Variants in SLC30A5 observed in about 807,000 individuals in gnomAD.
SLC30A5 encodes solute carrier family 30 member 5, also known as proton-coupled zinc antiporter SLC30A5.
In SLC30A5, 33 loss-of-function variants were observed where a neutral mutation model predicts 79.6. The ratio of observed to expected loss-of-function variants is 0.41; its 90% confidence interval spans 0.31 to 0.55. The LOEUF (loss-of-function observed/expected upper bound fraction) is 0.55. SLC30A5 is among the 20% of genes least tolerant of loss of function. The pLI is 0.20. For missense variants in SLC30A5, 788 were observed against 928.1 expected (o/e 0.85, Z 1.96); for synonymous variants, 299 against 319.7 (o/e 0.94, Z 0.69).
chr5:69,107,488 CAT>C (rs1746110458), intron 4 of SLC30A5, among the ~76,000 whole-genome samples: 1 of 152,070 alleles, frequency 6.6e-6, no homozygotes, highest in Non-Finnish European at 1.5e-5. Flanking sequence ...AAACCAGTAG[CAT>C]AGTCATTTAT....
At chr5:69,129,345 A>C in intron 15 of SLC30A5, 102 bp from the exon 16 acceptor site, 1 of 825,730 alleles carries the variant, frequency 1.2e-6, no homozygotes, top group East Asian at 2.7e-5. Flanking sequence ...GTATTTTCAG[A>C]TTAAAGATAC....
chr5:69,116,568 C>G lies in SLC30A5; in HGVS notation c.1247C>G (p.Ser416Cys), dbSNP rs745770141. 8 of 1,582,476 alleles carry G rather than the reference C, an allele frequency of 5.1e-6. No individual in the cohort carries two copies. Among genetic ancestry groups the G allele is most frequent in the African/African-American group, 4.1e-5 (3 of 73,566 alleles). The change falls in exon 10 of 16, where the codon TCT becomes TGT. Residue 416 changes from serine to cysteine, a missense_variant. This residue lies in a region of SLC30A5 where 626 missense variants were observed against 755.5 expected (regional missense o/e 0.83). Coordinates refer to ENST00000396591, the MANE Select transcript of SLC30A5 (RefSeq NM_022902.5). This position sits in a 1 kb window ranked among gnomAD's most constrained non-coding sequence, Gnocchi z 4.0. ...SLKQILEESD[S>C]RQIFYFLCLN... is the part of the protein sequence containing the mutation. Reference sequence around the variant, plus strand: ...AAACAAATTCTTGAGGAGAGTGACTCTAGGCAGATCTTTTACTTCTTGTGC... The same window carrying G: ...AAACAAATTCTTGAGGAGAGTGACTGTAGGCAGATCTTTTACTTCTTGTGC...
rs1746338051 is a variant in SLC30A5, at chr5:69,115,318, G to A, written c.694G>A (p.Gly232Ser). The A allele has an allele frequency of 1.2e-6, 2 of 1,613,838 alleles. No individual in the cohort carries two copies. The highest frequency in any genetic ancestry group is 2.2e-5 in the South Asian group (2 of 91,070). The change falls in exon 8 of 16, where the codon GGT (glycine) becomes AGT (serine). Residue 232 changes from glycine to serine, a missense_variant. By Grantham distance (56) the Gly-to-Ser change is moderately conservative. Transcript: ENST00000396591. ...TASRKLSVDVGGAKRLQALSH... is the reference protein window; with the variant it reads ...TASRKLSVDVSGAKRLQALSH... ...TTCCAGAAAGCTCTCTGTCGACGTT[G>A]GTGGAGCTAAACGTCTTCAAGCTTT...
At position 69,129,640 on chromosome 5, in the gene SLC30A5, G is replaced by A. The variant is rs559361142; in HGVS notation, c.*23G>A. On this transcript the variant is annotated 3_prime_UTR_variant, in exon 16 of 16. Transcript: ENST00000396591. ...TGAGATAACTCAAGAATTACCCCTG[G>A]AGAATAAACAATGAAGATTAAATGA... 117 of 1,576,260 alleles carry A rather than the reference G, an allele frequency of 7.4e-5. No individual in the cohort carries two copies. In the South Asian group the frequency reaches 1.3e-3, roughly 18 times the overall value.
chr5:69,110,255 T>TC (rs1277704755), intron 5 of SLC30A5, among the ~76,000 whole-genome samples: 1 of 152,116 alleles, frequency 6.6e-6, no homozygotes, highest in Non-Finnish European at 1.5e-5. Context: ...TCCTATAATT[T>TC]CTCCCACCAC....
At chr5:69,118,398 C>A (rs1746444695) in intron 11 of SLC30A5, 101 bp from the exon 12 acceptor site, 1 of 797,670 alleles carries the variant, frequency 1.3e-6, no homozygotes, top group Non-Finnish European at 1.9e-6. Flanking sequence ...TTATTAATTA[C>A]TTAGTAGTAT....
At chr5:69,102,706 G>T (rs141169748) in intron 2 of SLC30A5, 1,937 of 153,094 alleles carry the variant, frequency 0.013, 16 homozygotes, top group Non-Finnish European at 0.019. Context: ...CTAAAAATAC[G>T]AAAAATTGGC....
At chr5:69,126,368 T>C (rs1328179039) in intron 14 of SLC30A5, among the ~76,000 whole-genome samples, 1 of 152,178 alleles carries the variant, frequency 6.6e-6, no homozygotes, top group Non-Finnish European at 1.5e-5. Context: ...CCCGGGCTGG[T>C]CTTGAAATCC....
chr5:69,122,259 T>C (rs1399777356), intron 13 of SLC30A5, among the ~76,000 whole-genome samples: 1 of 152,074 alleles, frequency 6.6e-6, no homozygotes, highest in East Asian at 1.9e-4. Flanking sequence ...TAGCCGGACA[T>C]GGTGGCAGGT....
intron 4 of SLC30A5, among the ~76,000 whole-genome samples, chr5:69,105,544 A>G (rs1298823406): frequency 6.6e-6 from 1 of 152,132 alleles, no homozygotes; most frequent in Admixed American, 6.5e-5. Context: ...CGCCTTTATT[A>G]AAAAATATAC....
chr5:69,115,692 G>A (rs1226521177), intron 8 of SLC30A5, among the ~76,000 whole-genome samples: 1 of 152,192 alleles, frequency 6.6e-6, no homozygotes, highest in Non-Finnish European at 1.5e-5. Context: ...TAGGCTTAAA[G>A]ATTGTGTGTC....
rs1169379826 is a variant in SLC30A5, at chr5:69,123,248, C to A, written c.1821C>A (p.Ile607=). Residue 607 remains isoleucine (I), a synonymous_variant, in exon 14 of 16, where the codon ATC becomes ATA. Coordinates refer to ENST00000396591, the MANE Select transcript of SLC30A5 (RefSeq NM_022902.5). ...LADTLGSIGV[I]VSTVLIEQFG... ...ATACACTTGGCAGCATTGGTGTGATCGTATCCACAGTTCTTATAGAGCAGT... is the reference window on the plus strand; with the variant it reads ...ATACACTTGGCAGCATTGGTGTGATAGTATCCACAGTTCTTATAGAGCAGT... 2.5e-6 allele frequency: 4 copies of A among 1,613,572 alleles called. No homozygotes were observed. Among genetic ancestry groups the A allele is most frequent in the Non-Finnish European group, 3.4e-6 (4 of 1,179,836 alleles).
At position 69,117,367 on chromosome 5, in the gene SLC30A5, G is replaced by A. The variant is rs750218082; in HGVS notation, c.1410G>A (p.Arg470=). 5 of 1,613,834 alleles carry A rather than the reference G, an allele frequency of 3.1e-6. No homozygotes were observed. Among genetic ancestry groups the A allele is most frequent in the Non-Finnish European group, 4.2e-6 (5 of 1,179,982 alleles). ...GACTTTTTGCTGCCCTGATGAGTAG[G>A]TGGAAAGCCACTCGGATTTTCTCCT... ...VMGLFAALMS[R]WKATRIFSYG... The change falls in exon 11 of 16, where the codon AGG becomes AGA. Residue 470 remains arginine, a synonymous_variant. Transcript: ENST00000396591.
At chr5:69,125,340 C>T (rs1746646883) in intron 14 of SLC30A5, among the ~76,000 whole-genome samples, 1 of 151,344 alleles carries the variant, frequency 6.6e-6, no homozygotes, top group Non-Finnish European at 1.5e-5. Context: ...TCCTGGCTAA[C>T]ATGATGAAAC....
rs947296329 is a variant in SLC30A5 at position 69,128,195 on chromosome 5, A to G, written c.2127+63A>G. ...ATTCATACCCAAAATTGTACACCTC[A>G]TAAGTTATATGGCTCAGTAGTCATT... On this transcript the variant is annotated intron_variant, in intron 15 of 15. Transcript: ENST00000396591. The G allele has an allele frequency of 7.8e-6, 10 of 1,280,746 alleles. No individual in the cohort carries two copies. In the Admixed American group the frequency reaches 1.4e-4, roughly 18 times the overall value. 79.3% of individuals were successfully genotyped at this position (1,280,746 alleles called of 1,614,324 possible). A position where few individuals can be genotyped will look rare whatever the true frequency, so the allele number is the denominator to read the frequency against.
At position 69,117,378 on chromosome 5, in the gene SLC30A5, C is replaced by T; in HGVS notation, c.1421C>T (p.Thr474Ile). 1 of 1,613,844 alleles carries T rather than the reference C, an allele frequency of 6.2e-7. No individual in the cohort carries two copies. Among genetic ancestry groups the T allele is most frequent in the South Asian group, 1.1e-5 (1 of 91,054 alleles). Reference protein sequence around the residue: ...FAALMSRWKATRIFSYGYGRI... With the variant: ...FAALMSRWKAIRIFSYGYGRI... ...GCCCTGATGAGTAGGTGGAAAGCCACTCGGATTTTCTCCTATGGGTAGGTA... is the reference window on the plus strand; with the variant it reads ...GCCCTGATGAGTAGGTGGAAAGCCATTCGGATTTTCTCCTATGGGTAGGTA... Residue 474 changes from threonine to isoleucine, a missense_variant, in exon 11 of 16, where the codon ACT becomes ATT. Physicochemically the swap from Thr to Ile is moderately conservative, Grantham distance 89. Transcript: ENST00000396591.
chr5:69,114,410 A>C lies in SLC30A5; in HGVS notation c.536-10A>C, dbSNP rs16898517. 9.9e-4 allele frequency: 1,561 copies of C among 1,579,012 alleles called. 15 individuals carry two copies. In the African/African-American group the frequency reaches 0.018, roughly 18 times the overall value. On this transcript the variant is annotated splice_polypyrimidine_tract_variant and intron_variant, in intron 6 of 15. Coordinates refer to ENST00000396591, the MANE Select transcript of SLC30A5 (RefSeq NM_022902.5). ...TTTGGAATTTTTTTCCTTTACTTCA[A>C]CTCACTTAGCTGAAGGACATCATGA...
rs1170034236 is a variant in SLC30A5, at chr5:69,129,292, T to C, written c.2128-155T>C. On this transcript the variant is annotated intron_variant, in intron 15 of 15. Coordinates refer to ENST00000396591, the MANE Select transcript of SLC30A5 (RefSeq NM_022902.5). Reference sequence around the variant, plus strand: ...ATGAGCATTTCCTTTTAACACCATCTTGGCACTCAAAAAGTTTCAGATTTT... The same window carrying C: ...ATGAGCATTTCCTTTTAACACCATCCTGGCACTCAAAAAGTTTCAGATTTT... Among the ~76,000 whole-genome samples, 6 of 152,202 alleles carry C rather than the reference T, an allele frequency of 3.9e-5. No homozygotes were observed. In the East Asian group the frequency reaches 5.8e-4, roughly 15 times the overall value.
At chr5:69,118,325 G>GTGAATATATATATATATA (rs60416809) in intron 11 of SLC30A5, 174 bp from the exon 12 acceptor site, 1 of 188,328 alleles carries the variant, frequency 5.3e-6, no homozygotes, top group Non-Finnish European at 1.0e-5. Flanking sequence ...ATATATATAT[G>GTGAATATATATATATATA]TATATATATA....
Sources: gnomAD v4.1 joint callset for allele counts (sites outside exome capture counted in the v4.1 genomes callset) on GRCh38, gnomAD v4.1.1 for gene constraint, gnomAD v4.1.1 regional missense constraint, Gnocchi (gnomAD v3.1) non-coding constraint, MANE v1.5 for transcripts, NCBI Gene and HGNC (gene_info 2026-07-23, HGNC 2026-07-21) for gene names.